SLC25A48: variants seen among roughly 807,000 people sequenced by gnomAD.
The protein encoded by SLC25A48 is CTC-321K16.1.
Under a neutral mutation model 32.2 loss-of-function variants are expected in SLC25A48, and 29 were observed. That is an observed-to-expected ratio of 0.90 (90% CI 0.67 to 1.23). The LOEUF is 1.23. SLC25A48 is among the 50% of genes most tolerant of loss of function. The pLI is 0.00. For missense variants in SLC25A48, 399 were observed against 422.7 expected (o/e 0.94, Z 0.49); for synonymous variants, 164 against 172.3 (o/e 0.95, Z 0.38).
intron 5 of SLC25A48, among the ~76,000 whole-genome samples, chr5:135,873,460 T>C (rs1022970933): frequency 1.3e-5 from 2 of 152,192 alleles, no homozygotes; most frequent in Admixed American, 1.3e-4. Context: ...TTCAAAAAGC[T>C]GTCCCTGCTC....
intron 4 of SLC25A48, among the ~76,000 whole-genome samples, chr5:135,854,277 C>A (rs1760134739): frequency 6.6e-6 from 1 of 152,218 alleles, no homozygotes; most frequent in South Asian, 2.1e-4. Flanking sequence ...AGAGAGTCAG[C>A]CTGTCTTTTG....
intron 1 of SLC25A48, among the ~76,000 whole-genome samples, chr5:135,605,901 G>A (rs1208007745): frequency 1.3e-5 from 2 of 152,168 alleles, no homozygotes; most frequent in African/African-American, 4.8e-5. Flanking sequence ...GCTGGTTGAA[G>A]CCAGCATTTT....
chr5:135,869,965 G>A (rs747238793), intron 4 of SLC25A48, among the ~76,000 whole-genome samples: 12 of 152,180 alleles, frequency 7.9e-5, no homozygotes, highest in Non-Finnish European at 1.8e-4. Context: ...ATACTTCCCA[G>A]GCACGCAGAA....
chr5:135,715,264 G>A (rs1288958105), intron 3 of SLC25A48, among the ~76,000 whole-genome samples: 2 of 152,216 alleles, frequency 1.3e-5, no homozygotes, highest in African/African-American at 4.8e-5. Flanking sequence ...GGTTTCTGGT[G>A]CAGAAGGGGC....
At chr5:135,646,232 G>A (rs532479631) in intron 3 of SLC25A48, among the ~76,000 whole-genome samples, 3 of 149,354 alleles carry the variant, frequency 2.0e-5, no homozygotes, top group Admixed American at 1.4e-4. Context: ...CACTGAGGAC[G>A]CTGCACACGG....
At chr5:135,760,026 T>A (rs951612511) in intron 3 of SLC25A48, among the ~76,000 whole-genome samples, 1 of 151,912 alleles carries the variant, frequency 6.6e-6, no homozygotes, top group East Asian at 1.9e-4. Context: ...GATGGGGATA[T>A]CACCATGTTG....
At chr5:135,756,968 C>G (rs1266601557) in intron 3 of SLC25A48, among the ~76,000 whole-genome samples, 1 of 149,430 alleles carries the variant, frequency 6.7e-6, no homozygotes, top group Non-Finnish European at 1.5e-5. Context: ...TGTTAACACA[C>G]TATGATGTTA....
At chr5:135,679,688 A>G (rs1753848359) in intron 3 of SLC25A48, among the ~76,000 whole-genome samples, 1 of 152,162 alleles carries the variant, frequency 6.6e-6, no homozygotes, top group Non-Finnish European at 1.5e-5. Flanking sequence ...CCAGGGCTTC[A>G]GGCCATGCAC....
chr5:135,676,107 C>T (rs1179929393), intron 3 of SLC25A48, among the ~76,000 whole-genome samples: 1 of 151,726 alleles, frequency 6.6e-6, no homozygotes, highest in Non-Finnish European at 1.5e-5. Context: ...TTGGTGGACT[C>T]TTTAGGTATT....
At chr5:135,878,882 C>T (rs1367270706) in intron 6 of SLC25A48, among the ~76,000 whole-genome samples, 1 of 152,136 alleles carries the variant, frequency 6.6e-6, no homozygotes, top group Admixed American at 6.5e-5. Flanking sequence ...CCCCACAATC[C>T]CCCTCTCCAA....
intron 1 of SLC25A48, 162 bp downstream of exon 1, chr5:135,835,055 C>A: frequency 1.2e-6 from 1 of 847,198 alleles, no homozygotes; most frequent in South Asian, 1.4e-5. Context: ...CCCTGGTGGT[C>A]TTGCAGTTGC....
chr5:135,796,819 C>G (rs905348801), intron 3 of SLC25A48, among the ~76,000 whole-genome samples: 6 of 151,726 alleles, frequency 4.0e-5, no homozygotes, highest in Middle Eastern at 3.4e-3. Context: ...CCTAATATTG[C>G]ACGGGTGTGT....
rs113247492 is a variant in SLC25A48 at position 135,644,551 on chromosome 5, G to A, written c.-521+9595G>A. 5.4e-3 allele frequency among the ~76,000 whole-genome samples: 825 copies of A among 152,188 alleles called. 6 individuals carry two copies. The highest frequency in any genetic ancestry group is 0.019 in the African/African-American group (772 of 41,518). On this transcript the variant is annotated intron_variant, in intron 3 of 10. Transcript: ENST00000646290. Reference sequence around the variant, plus strand: ...TCTGCATCACTGCCATCATTCCAGAGGCTTTATATTCATTATCATTAGTCT... The same window carrying A: ...TCTGCATCACTGCCATCATTCCAGAAGCTTTATATTCATTATCATTAGTCT...
intron 4 of SLC25A48, among the ~76,000 whole-genome samples, chr5:135,817,900 C>T (rs1196707292): frequency 6.6e-6 from 1 of 152,174 alleles, no homozygotes; most frequent in Non-Finnish European, 1.5e-5. Flanking sequence ...CATTTTCCCA[C>T]TTACTATACC....
intron 3 of SLC25A48, chr5:135,650,087 T>C (rs998650669): frequency 1.8e-4 from 33 of 184,388 alleles, no homozygotes; most frequent in African/African-American, 7.7e-4. Flanking sequence ...AAAATATTCT[T>C]ATATTTCCTG....
intron 6 of SLC25A48, chr5:135,874,850 C>A (rs887602313): frequency 4.0e-6 from 2 of 503,942 alleles, no homozygotes; most frequent in East Asian, 3.4e-5. Context: ...ATCCTGCTGG[C>A]TCTTGCTTGC....
At chr5:135,885,604 C>G (rs1034238337) in intron 7 of SLC25A48, among the ~76,000 whole-genome samples, 1 of 151,876 alleles carries the variant, frequency 6.6e-6, no homozygotes, top group African/African-American at 2.4e-5. Flanking sequence ...TGCACCCTCT[C>G]TTTCTCACTG....
At chr5:135,592,861 T>C (rs1263304723) in intron 1 of SLC25A48, among the ~76,000 whole-genome samples, 3 of 152,166 alleles carry the variant, frequency 2.0e-5, no homozygotes, top group Non-Finnish European at 4.4e-5. Context: ...AAAGCATCAA[T>C]GCCTTAAGGC....
At chr5:135,708,400 C>G (rs1447865768) in intron 3 of SLC25A48, among the ~76,000 whole-genome samples, 2 of 152,206 alleles carry the variant, frequency 1.3e-5, no homozygotes, top group African/African-American at 4.8e-5. Flanking sequence ...CCTAGTATCT[C>G]TCTCTTCCCC....
Sources: allele counts gnomAD v4.1 joint callset (sites outside exome capture counted in the v4.1 genomes callset), GRCh38; gene constraint gnomAD v4.1.1; transcripts MANE v1.5; gene names NCBI Gene and HGNC (gene_info 2026-07-23, HGNC 2026-07-21).